The following UGT1A3 variants were observed in gnomAD, a reference collection of about 807,000 sequenced individuals.
UGT1A3 encodes UDP glucuronosyltransferase family 1 member A3.
A neutral mutation model predicts 41.0 loss-of-function variants in UGT1A3; 31 were observed. The observed-to-expected ratio is 0.76, with a 90% CI of 0.57 to 1.02. The LOEUF is 1.02. Among genes scored for constraint, UGT1A3 ranks in the 50% least tolerant of loss-of-function variants. UGT1A3 has a pLI of 0.00. For synonymous variants in UGT1A3, 262 were observed against 257.6 expected (o/e 1.02, Z -0.17); for missense variants, 737 against 671.0 (o/e 1.10, Z -1.09).
At chr2:233,733,959 G>A (rs561727271) in intron 1 of UGT1A3, among the ~76,000 whole-genome samples, 43 of 152,168 alleles carry the variant, frequency 2.8e-4, no homozygotes, top group African/African-American at 9.4e-4. Context: ...CCTGTTGTGG[G>A]GTAGGGGGAG....
intron 1 of UGT1A3, among the ~76,000 whole-genome samples, chr2:233,745,583 G>A (rs1693151733): frequency 6.6e-6 from 1 of 151,632 alleles, no homozygotes; most frequent in Non-Finnish European, 1.5e-5. Context: ...GACATAACCT[G>A]AGACCCGGAC....
chr2:233,758,044 A>G (rs1696783059), intron 1 of UGT1A3, among the ~76,000 whole-genome samples: 1 of 152,170 alleles, frequency 6.6e-6, no homozygotes, highest in African/African-American at 2.4e-5. Context: ...CTTTCAGGCA[A>G]GGACCATTTC....
intron 1 of UGT1A3, chr2:233,743,944 C>A: frequency 7.4e-7 from 1 of 1,351,520 alleles, no homozygotes; most frequent in Non-Finnish European, 9.9e-7. Context: ...GCCCACCAGG[C>A]ACTGGCACAG....
In UGT1A3 at chr2:233,746,980, G is replaced by A. The variant is rs1162758884; in HGVS notation, c.867+16987G>A. On this transcript the variant is annotated intron_variant, in intron 1 of 4. Transcript: ENST00000482026. Reference sequence around the variant, plus strand: ...AACTTGGATGTTCCCCAGAGCGAGCGCAGGGTCAGATGAGTTTTTCAAGTA... The same window carrying A: ...AACTTGGATGTTCCCCAGAGCGAGCACAGGGTCAGATGAGTTTTTCAAGTA... Among the ~76,000 whole-genome samples, 6 of 151,766 alleles carry A rather than the reference G, an allele frequency of 4.0e-5. 1 individual carries two copies. Among genetic ancestry groups the A allele is most frequent in the African/African-American group, 1.2e-4 (5 of 41,068 alleles).
At chr2:233,737,627 C>T (rs979960494) in intron 1 of UGT1A3, among the ~76,000 whole-genome samples, 1 of 152,190 alleles carries the variant, frequency 6.6e-6, no homozygotes, top group African/African-American at 2.4e-5. Flanking sequence ...AGAAATCATC[C>T]ATCTTCTGCG....
At chr2:233,753,977 T>C (rs138478111) in intron 1 of UGT1A3, among the ~76,000 whole-genome samples, 15 of 152,322 alleles carry the variant, frequency 9.8e-5, no homozygotes, top group African/African-American at 3.4e-4. Context: ...ACGTGTGTTG[T>C]TTTAAGCCAC....
rs574685315 is a variant in UGT1A3 at position 233,731,448 on chromosome 2, A to C, written c.867+1455A>C. Among the ~76,000 whole-genome samples, 490 of 151,900 alleles carry C rather than the reference A, an allele frequency of 3.2e-3. 2 individuals carry two copies. The highest frequency in any genetic ancestry group is 0.01 in the African/African-American group (431 of 41,418). Reference sequence around the variant, plus strand: ...CATCCCTCCCCCAGTCCCCCACCCCACAACAGGCCCTGGCGTGTGATGTTC... The same window carrying C: ...CATCCCTCCCCCAGTCCCCCACCCCCCAACAGGCCCTGGCGTGTGATGTTC... On this transcript the variant is annotated intron_variant, in intron 1 of 4. Coordinates refer to ENST00000482026, the MANE Select transcript of UGT1A3 (RefSeq NM_019093.4).
intron 1 of UGT1A3, among the ~76,000 whole-genome samples, chr2:233,740,447 G>A (rs1691391497): frequency 6.6e-6 from 1 of 151,994 alleles, no homozygotes; most frequent in African/African-American, 2.4e-5. Context: ...GGAATCAGAG[G>A]AGAAGAAGAT....
chr2:233,764,801 C>T (rs1177973907), intron 1 of UGT1A3, among the ~76,000 whole-genome samples: 8 of 152,184 alleles, frequency 5.3e-5, no homozygotes, highest in African/African-American at 1.9e-4. Context: ...GGTGTTCTTG[C>T]TACAAACCAA....
At chr2:233,743,747 GACA>G (rs1559387814) in intron 1 of UGT1A3, 2 of 1,367,344 alleles carry the variant, frequency 1.5e-6, no homozygotes, top group South Asian at 1.1e-5. Context: ...CTTGGCGTCC[GACA>G]ACACCTCGTA....
intron 1 of UGT1A3, chr2:233,754,890 C>T (rs1695628658): frequency 1.5e-6 from 2 of 1,351,546 alleles, no homozygotes; most frequent in Non-Finnish European, 2.0e-6. Context: ...CAGGGAGTTC[C>T]TCTGACCCCC....
chr2:233,743,079 G>C, intron 1 of UGT1A3: 3 of 345,058 alleles, frequency 8.7e-6, no homozygotes, highest in South Asian at 6.9e-5. Flanking sequence ...TTGGCATGAA[G>C]TGTTTATAAA....
rs111739350 is a variant in UGT1A3 at position 233,753,142 on chromosome 2, A to G, written c.868-13892A>G. The G allele has an allele frequency of 8.2e-3, 1,248 of 152,338 alleles. 11 individuals are homozygous for G. The highest frequency in any genetic ancestry group is 0.011 in the Non-Finnish European group (750 of 68,038). The allele number at this position is 152,338 out of a possible 1,614,324, so 9.4% of individuals were successfully genotyped here. On this transcript the variant is annotated intron_variant, in intron 1 of 4. Coordinates refer to ENST00000482026, the MANE Select transcript of UGT1A3 (RefSeq NM_019093.4). ...CAAACTACTCAGTGAGTATCTTCAC[A>G]CATGTAAGTTCCCTTATCCGGATCA...
intron 1 of UGT1A3, among the ~76,000 whole-genome samples, chr2:233,739,884 T>C (rs1299319141): frequency 6.6e-6 from 1 of 151,956 alleles, no homozygotes; most frequent in Non-Finnish European, 1.5e-5. Context: ...ACTGTGTGTT[T>C]CCACCCAAAT....
In UGT1A3 at chr2:233,772,554, C is replaced by T. The variant is rs768200668; in HGVS notation, c.1600C>T (p.His534Tyr). 6.2e-7 allele frequency: 1 copy of T among 1,613,984 alleles called. No homozygotes were observed. The highest frequency in any genetic ancestry group is 1.1e-5 in the South Asian group (1 of 91,072). ...TAAGAAAGCCCACAAATCCAAGACC[C>T]ATTGAGAAGTGGGTGGGAAATAAGG... Reference protein sequence around the residue: ...RVKKAHKSKTH With the variant: ...RVKKAHKSKTY The change falls in exon 5 of 5, where the codon CAT (histidine) becomes TAT (tyrosine). Residue 534 changes from histidine (H) to tyrosine (Y), a missense_variant. Physicochemically the swap from His to Tyr is moderately conservative, Grantham distance 83. Coordinates refer to ENST00000482026, the MANE Select transcript of UGT1A3 (RefSeq NM_019093.4).
rs1698334430 is a variant in UGT1A3 at position 233,763,527 on chromosome 2, C to G, written c.868-3507C>G. 2.6e-5 allele frequency among the ~76,000 whole-genome samples: 4 copies of G among 152,146 alleles called. No individual in the cohort carries two copies. In the South Asian group the frequency reaches 8.3e-4, roughly 31 times the overall value. The stretch of plus-strand genomic sequence containing the variant: ...ATGTTTAGTTGACTTTGCCATTCTC[C>G]TTTTTCCGGATTTCTACTGGTTGGT... On this transcript the variant is annotated intron_variant, in intron 1 of 4. Coordinates refer to ENST00000482026, the MANE Select transcript of UGT1A3 (RefSeq NM_019093.4).
intron 1 of UGT1A3, among the ~76,000 whole-genome samples, chr2:233,734,364 G>A (rs1194313083): frequency 6.6e-6 from 1 of 152,040 alleles, no homozygotes; most frequent in East Asian, 1.9e-4. Context: ...TGGGATCGGT[G>A]GTGATATTGC....
At chr2:233,748,210 C>T in intron 1 of UGT1A3, 1 of 1,497,674 alleles carries the variant, frequency 6.7e-7, no homozygotes, top group Non-Finnish European at 9.0e-7. Flanking sequence ...TAATAGCCTT[C>T]AGTGAGATAA....
At chr2:233,738,215 A>G (rs927290766) in intron 1 of UGT1A3, among the ~76,000 whole-genome samples, 4 of 152,078 alleles carry the variant, frequency 2.6e-5, no homozygotes, top group African/African-American at 9.7e-5. Context: ...TGCCAGGATT[A>G]TAAGTTTCCT....
Sources: allele counts gnomAD v4.1 joint callset (sites outside exome capture counted in the v4.1 genomes callset), GRCh38; gene constraint gnomAD v4.1.1; transcripts MANE v1.5; gene names NCBI Gene and HGNC (gene_info 2026-07-23, HGNC 2026-07-21).